The following SLC36A1 variants were observed in gnomAD, a reference collection of about 807,000 sequenced individuals.
The protein encoded by SLC36A1 is proton-coupled amino acid transporter 1.
A neutral mutation model predicts 47.5 loss-of-function variants in SLC36A1; 30 were observed. The observed-to-expected ratio is 0.63, with a 90% CI of 0.47 to 0.86. The LOEUF (loss-of-function observed/expected upper bound fraction) is 0.86, where lower values mean the gene tolerates loss of function less well. SLC36A1 is among the 40% of genes least tolerant of loss of function. The pLI, the probability that SLC36A1 is intolerant of heterozygous loss-of-function variation, is 0.00. For missense variants in SLC36A1, 517 were observed against 606.0 expected, an observed-to-expected ratio of 0.85 and a Z score of 1.54; for synonymous variants, 255 against 249.7, an observed-to-expected ratio of 1.02 and a Z score of -0.20.
chr5:151,452,949 C>A (rs1336060833), intron 1 of SLC36A1, among the ~76,000 whole-genome samples: 1 of 151,648 alleles, frequency 6.6e-6, no homozygotes, highest in Non-Finnish European at 1.5e-5. Context: ...TGCCTGTAAT[C>A]CCAGCACTTT....
chr5:151,522,041 G>A, the SLC36A1 span: 20 of 1,607,648 alleles, frequency 1.2e-5, no homozygotes, highest in Middle Eastern at 1.7e-4. Flanking sequence ...ACATGGACAC[G>A]GACAGACGTC....
chr5:151,369,736 C>T, the SLC36A1 span, among the ~76,000 whole-genome samples: 1 of 152,214 alleles, frequency 6.6e-6, no homozygotes, highest in Non-Finnish European at 1.5e-5. Flanking sequence ...CTCACCTCAG[C>T]CTACCAAAGT....
At chr5:151,525,979 T>G in the SLC36A1 span, 146 of 1,612,704 alleles carry the variant, frequency 9.1e-5, no homozygotes, top group Admixed American at 1.7e-4. Context: ...AGACCGAGAG[T>G]GACAAAGAAG....
the SLC36A1 span, chr5:151,554,514 T>G: frequency 3.9e-5 from 63 of 1,614,096 alleles, no homozygotes; most frequent in Admixed American, 9.5e-4. Context: ...GCCACCAGCC[T>G]GTACACAGGC....
chr5:151,424,686 AAATAAT>A, the SLC36A1 span, among the ~76,000 whole-genome samples: 4,939 of 152,192 alleles, frequency 0.032, 240 homozygotes, highest in African/African-American at 0.11. Flanking sequence ...AATCATTAAT[AAATAAT>A]AATAATAATA....
rs61078558 is a variant in SLC36A1, at chr5:151,437,306, T to C, written c.-6+127T>C. 6 of 152,340 alleles carry C rather than the reference T, an allele frequency of 3.9e-5. No individual in the cohort carries two copies. In the East Asian group the frequency reaches 9.6e-4, roughly 24 times the overall value. The allele number at this position is 152,340 out of a possible 1,614,324, so 9.4% of individuals were successfully genotyped here. A position where few individuals can be genotyped will look rare whatever the true frequency, so the allele number is the denominator to read the frequency against. On this transcript the variant is annotated intron_variant, in intron 1 of 8. Transcript: ENST00000429484. ...AAGTTGTCCCCTAACACAATCTTACTTTAACAATTAATATTCACATCTTTA... is the reference window on the plus strand; with the variant it reads ...AAGTTGTCCCCTAACACAATCTTACCTTAACAATTAATATTCACATCTTTA...
chr5:151,434,778 C>T (rs1759671553), upstream of SLC36A1, among the ~76,000 whole-genome samples: 2 of 152,084 alleles, frequency 1.3e-5, no homozygotes, highest in Admixed American at 1.3e-4. Flanking sequence ...TGTGAGGATA[C>T]AATGAGAAGA....
chr5:151,501,272 GC>G, the SLC36A1 span, among the ~76,000 whole-genome samples: 1 of 152,108 alleles, frequency 6.6e-6, no homozygotes, highest in African/African-American at 2.4e-5. Context: ...ACAGAGCTGG[GC>G]TTGGAATCAA....
the SLC36A1 span, among the ~76,000 whole-genome samples, chr5:151,347,872 G>A: frequency 6.6e-6 from 1 of 152,142 alleles, no homozygotes; most frequent in Non-Finnish European, 1.5e-5. Context: ...AGAAAACTGA[G>A]GTTTCTTGAA....
chr5:151,420,489 T>G, the SLC36A1 span, among the ~76,000 whole-genome samples: 1 of 152,194 alleles, frequency 6.6e-6, no homozygotes, highest in Non-Finnish European at 1.5e-5. Context: ...CTGCTGGTCT[T>G]CCTGCTAATG....
At chr5:151,439,293 G>T (rs1752484765) in intron 1 of SLC36A1, among the ~76,000 whole-genome samples, 2 of 152,084 alleles carry the variant, frequency 1.3e-5, no homozygotes, top group Non-Finnish European at 2.9e-5. Flanking sequence ...TTTGGGTGGG[G>T]ACACAAAGCC....
At chr5:151,512,570 G>A in the SLC36A1 span, 1 of 1,613,688 alleles carries the variant, frequency 6.2e-7, no homozygotes, top group Non-Finnish European at 8.5e-7. This position sits in a 1 kb window ranked among gnomAD's most constrained non-coding sequence, Gnocchi z 4.1. Flanking sequence ...AAACCACCCA[G>A]ACAGTGGTAT....
At chr5:151,505,330 G>C in the SLC36A1 span, 1 of 583,634 alleles carries the variant, frequency 1.7e-6, no homozygotes, top group African/African-American at 1.9e-5. Flanking sequence ...CACTGCTCTA[G>C]AAATGCCCCT....
At chr5:151,397,402 G>A in the SLC36A1 span, among the ~76,000 whole-genome samples, 1 of 152,232 alleles carries the variant, frequency 6.6e-6, no homozygotes, top group Non-Finnish European at 1.5e-5. Flanking sequence ...GCAAAAGGCA[G>A]AAGAAGCTGC....
the SLC36A1 span, among the ~76,000 whole-genome samples, chr5:151,345,547 T>G: frequency 6.6e-6 from 1 of 152,062 alleles, no homozygotes; most frequent in Non-Finnish European, 1.5e-5. Context: ...AAGAGAACAA[T>G]CGAGGGAGAA....
At chr5:151,349,892 A>C in the SLC36A1 span, among the ~76,000 whole-genome samples, 1 of 152,210 alleles carries the variant, frequency 6.6e-6, no homozygotes, top group Non-Finnish European at 1.5e-5. Context: ...CAAGTTCATC[A>C]GGTGATTCTG....
the SLC36A1 span, among the ~76,000 whole-genome samples, chr5:151,344,903 C>T: frequency 1.3e-5 from 2 of 152,040 alleles, no homozygotes; most frequent in East Asian, 1.9e-4. Flanking sequence ...ATAAACAGGT[C>T]GGATGACTGG....
chr5:151,537,385 C>T, the SLC36A1 span, among the ~76,000 whole-genome samples: 71,362 of 137,040 alleles, frequency 0.52, 18,810 homozygotes, highest in African/African-American at 0.68. Context: ...CAACGAACAA[C>T]GAAAGGAAAG....
chr5:151,444,372 C>T (rs1012262585), upstream of SLC36A1, among the ~76,000 whole-genome samples: 8 of 152,040 alleles, frequency 5.3e-5, no homozygotes, highest in East Asian at 1.9e-4. Flanking sequence ...TCAGTGTACA[C>T]CCTATTCATG....
Sources: allele counts gnomAD v4.1 joint callset (sites outside exome capture counted in the v4.1 genomes callset), GRCh38; gene constraint gnomAD v4.1.1; non-coding constraint Gnocchi (gnomAD v3.1); transcripts MANE v1.5; gene names NCBI Gene and HGNC (gene_info 2026-07-23, HGNC 2026-07-21).